Variants in ATP13A5 observed in about 807,000 individuals in gnomAD.
ATP13A5 encodes ATPase 13A5.
ATP13A5 carries 149 observed loss-of-function variants against 150.2 expected under a neutral mutation model. The ratio of observed to expected loss-of-function variants is 0.99; its 90% confidence interval spans 0.87 to 1.14. The LOEUF (loss-of-function observed/expected upper bound fraction) is 1.14, where lower values mean the gene tolerates loss of function less well. Ranked by LOEUF, ATP13A5 falls within the 50% of genes most tolerant of loss-of-function variation. The pLI, the probability that ATP13A5 is intolerant of heterozygous loss-of-function variation, is 0.00. For missense variants in ATP13A5, 1,383 were observed against 1,449.3 expected (o/e 0.95, Z 0.74); for synonymous variants, 497 against 522.2 (o/e 0.95, Z 0.66).
chr3:193,362,948 C>A (rs1262770762), intron 3 of ATP13A5, among the ~76,000 whole-genome samples: 1 of 152,080 alleles, frequency 6.6e-6, no homozygotes, highest in Non-Finnish European at 1.5e-5. Context: ...GCAAGCACCA[C>A]CACACTCAGC....
At chr3:193,324,711 G>T (rs1045901151) in intron 14 of ATP13A5, among the ~76,000 whole-genome samples, 153 bp downstream of exon 14, 4 of 152,144 alleles carry the variant, frequency 2.6e-5, no homozygotes, top group African/African-American at 9.7e-5. Flanking sequence ...AGAATTCTTT[G>T]GGGGCACAGG....
chr3:193,281,011 A>G (rs79766191), intron 27 of ATP13A5: 3,848 of 168,944 alleles, frequency 0.023, 129 homozygotes, highest in African/African-American at 0.069. Context: ...CACACCCTCA[A>G]TATTTATTCA....
chr3:193,331,485 C>T (rs2108872574), intron 11 of ATP13A5, among the ~76,000 whole-genome samples, 174 bp from the exon 12 acceptor site: 1 of 152,300 alleles, frequency 6.6e-6, no homozygotes, highest in Middle Eastern at 3.4e-3. Context: ...ACTTAGCATT[C>T]CCTCTGCCCA....
intron 27 of ATP13A5, among the ~76,000 whole-genome samples, chr3:193,280,632 G>A (rs1054619688): frequency 6.6e-6 from 1 of 152,116 alleles, no homozygotes; most frequent in Non-Finnish European, 1.5e-5. Flanking sequence ...CGGATGCACT[G>A]TGACAGCATC....
chr3:193,322,474 A>G lies in ATP13A5; in HGVS notation c.1758+17T>C, dbSNP rs775535130. ...TTATGGGGAAAGAGCTATGTGATGT[A>G]AAGAAGGAAATCATACCTTACTGGC... is the stretch of plus-strand genomic sequence containing the variant. On this transcript the variant is annotated intron_variant, in intron 15 of 29. Coordinates refer to ENST00000342358, the MANE Select transcript of ATP13A5 (RefSeq NM_198505.4). 2 of 1,587,284 alleles carry G rather than the reference A, an allele frequency of 1.3e-6. No individual in the cohort carries two copies. The highest frequency in any genetic ancestry group is 2.2e-5 in the South Asian group (2 of 89,642).
At chr3:193,329,192 G>A (rs906176895) in intron 12 of ATP13A5, among the ~76,000 whole-genome samples, 57 of 151,572 alleles carry the variant, frequency 3.8e-4, no homozygotes, top group Non-Finnish European at 8.8e-5. Context: ...AGTGAGCTGA[G>A]ATTGCACCAC....
intron 12 of ATP13A5, among the ~76,000 whole-genome samples, chr3:193,330,274 C>T (rs1711579676): frequency 6.6e-6 from 1 of 152,234 alleles, no homozygotes; most frequent in Non-Finnish European, 1.5e-5. Context: ...ATCTACACTC[C>T]CATTTTCCTG....
intron 28 of ATP13A5, among the ~76,000 whole-genome samples, chr3:193,278,659 A>C (rs1185134270): frequency 2.6e-5 from 4 of 152,180 alleles, no homozygotes; most frequent in African/African-American, 4.8e-5. Flanking sequence ...GTTGCATCTC[A>C]TCAATGAAAT....
At chr3:193,323,625 T>C (rs1456961410) in intron 14 of ATP13A5, 1 of 152,214 alleles carries the variant, frequency 6.6e-6, no homozygotes, top group Non-Finnish European at 1.5e-5. Context: ...TCCCAATGAT[T>C]CTGTTAAGGA....
At chr3:193,326,449 G>A (rs771668782) in intron 13 of ATP13A5, among the ~76,000 whole-genome samples, 1 of 152,136 alleles carries the variant, frequency 6.6e-6, no homozygotes, top group African/African-American at 2.4e-5. Flanking sequence ...TCTCCTTCAG[G>A]TGGCTTTCTT....
chr3:193,299,920 C>T (rs543825369), intron 24 of ATP13A5, among the ~76,000 whole-genome samples: 22 of 152,212 alleles, frequency 1.4e-4, no homozygotes, highest in African/African-American at 5.3e-4. Context: ...CAGATTTATG[C>T]ACATGGAAAG....
Position 193,350,221 on chromosome 3 carries a change from T to C in ATP13A5, c.741+846A>G, listed in dbSNP as rs9847746. 9.4e-3 allele frequency among the ~76,000 whole-genome samples: 1,433 copies of C among 152,200 alleles called. 21 individuals are homozygous for C. Among genetic ancestry groups the C allele is most frequent in the African/African-American group, 0.033 (1,355 of 41,572 alleles). On this transcript the variant is annotated intron_variant, in intron 7 of 29. Coordinates refer to ENST00000342358, the MANE Select transcript of ATP13A5 (RefSeq NM_198505.4). ...ATCTCCATATAAGCTGGTATATATA[T>C]ATGCACTTAATAGAGTAAAATGAAT...
intron 12 of ATP13A5, among the ~76,000 whole-genome samples, chr3:193,330,614 T>C (rs1286470230): frequency 4.6e-5 from 7 of 152,184 alleles, no homozygotes; most frequent in African/African-American, 1.7e-4. Context: ...CATATGCTCC[T>C]CCTCTGCCAC....
At chr3:193,295,661 A>G (rs900920960) in intron 25 of ATP13A5, among the ~76,000 whole-genome samples, 1 of 152,112 alleles carries the variant, frequency 6.6e-6, no homozygotes, top group African/African-American at 2.4e-5. Flanking sequence ...AATTGTGCCG[A>G]GCCTTATATG....
intron 9 of ATP13A5, among the ~76,000 whole-genome samples, chr3:193,340,232 C>A (rs1712064669): frequency 6.6e-6 from 1 of 152,170 alleles, no homozygotes; most frequent in South Asian, 2.1e-4. Flanking sequence ...GTTTGAAATT[C>A]CAAGTCCTTT....
At chr3:193,378,512 G>T (rs990344076) in intron 1 of ATP13A5, 151 bp downstream of exon 1, 18 of 689,432 alleles carry the variant, frequency 2.6e-5, no homozygotes, top group East Asian at 7.8e-5. Context: ...ATGGTGCTTT[G>T]CAGCCCTTAA....
At chr3:193,331,694 C>T (rs1233676018) in intron 11 of ATP13A5, among the ~76,000 whole-genome samples, 1 of 152,172 alleles carries the variant, frequency 6.6e-6, no homozygotes, top group Non-Finnish European at 1.5e-5. Context: ...GACCAACATC[C>T]TTCCAAGATC....
intron 15 of ATP13A5, 141 bp downstream of exon 15, chr3:193,322,350 G>T: frequency 1.4e-6 from 1 of 704,242 alleles, no homozygotes; most frequent in Non-Finnish European, 2.5e-6. Flanking sequence ...GACAAATTCG[G>T]AAATGAAAGA....
chr3:193,319,057 C>A lies in ATP13A5; in HGVS notation c.1967G>T (p.Arg656Leu). The change falls in exon 17 of 30, where the codon CGT (arginine) becomes CTT (leucine). Residue 656 changes from arginine (R) to leucine (L), a missense_variant. Physicochemically the swap from Arg to Leu is moderately radical, Grantham distance 102. Coordinates refer to ENST00000342358, the MANE Select transcript of ATP13A5 (RefSeq NM_198505.4). The part of the protein sequence containing the change: ...ELRSYTVQGF[R>L]VIALAHKTLK... ...GGTTTTGTGGGCAAGAGCAATGACA[C>A]GGAAGCCTTGCACCGTGTAACTCCT... is the stretch of plus-strand genomic sequence containing the variant. The A allele has an allele frequency of 6.2e-7, 1 of 1,613,952 alleles. No individual in the cohort carries two copies. Among genetic ancestry groups the A allele is most frequent in the Non-Finnish European group, 8.5e-7 (1 of 1,179,860 alleles).
Sources: gnomAD v4.1 joint callset for allele counts (sites outside exome capture counted in the v4.1 genomes callset) on GRCh38, gnomAD v4.1.1 for gene constraint, MANE v1.5 for transcripts, NCBI Gene and HGNC (gene_info 2026-07-23, HGNC 2026-07-21) for gene names.